OSBPL10: variants seen among roughly 807,000 people sequenced by gnomAD.
OSBPL10 encodes oxysterol binding protein like 10, also known as oxysterol-binding protein-related protein 10.
In OSBPL10, 49 loss-of-function variants were observed where a neutral mutation model predicts 81.7. The ratio of observed to expected loss-of-function variants is 0.60; its 90% CI spans 0.48 to 0.76. OSBPL10 has a LOEUF of 0.76. OSBPL10 is among the 30% of genes least tolerant of loss of function. The probability of loss-of-function intolerance (pLI) is 0.00; values close to 1 mark genes in which losing one functional copy is unlikely to be tolerated. For missense variants in OSBPL10, 923 were observed against 987.8 expected, an observed-to-expected ratio of 0.93 and a Z score of 0.88; for synonymous variants, 419 against 383.6, an observed-to-expected ratio of 1.09 and a Z score of -1.08.
At chr3:31,909,163 C>T (rs1430656229) in intron 1 of OSBPL10, among the ~76,000 whole-genome samples, 1 of 152,208 alleles carries the variant, frequency 6.6e-6, no homozygotes, top group Admixed American at 6.5e-5. Context: ...TGAGAGCTGA[C>T]ATTACCTTTC....
intron 7 of OSBPL10, among the ~76,000 whole-genome samples, chr3:31,687,565 T>C (rs1056709573): frequency 2.0e-5 from 3 of 152,200 alleles, no homozygotes; most frequent in Non-Finnish European, 2.9e-5. Context: ...TTTAGTGCAC[T>C]GCCCTGGTCC....
At chr3:31,783,814 AAAAAAAAAAATATATATAT>A (rs1292165944) in intron 4 of OSBPL10, among the ~76,000 whole-genome samples, 3 of 78,660 alleles carry the variant, frequency 3.8e-5, no homozygotes, top group African/African-American at 2.0e-4. Context: ...AAAAAAAAAA[AAAAAAAAAAATATATATAT>A]ATATATATAT....
intron 1 of OSBPL10, among the ~76,000 whole-genome samples, chr3:31,949,631 G>A (rs561960468): frequency 1.7e-4 from 19 of 112,548 alleles, no homozygotes; most frequent in African/African-American, 6.3e-4. Flanking sequence ...TCACCTCACT[G>A]CACTCCAGCC....
At chr3:31,872,922 C>A (rs1161956279) in intron 3 of OSBPL10, among the ~76,000 whole-genome samples, 3 of 152,158 alleles carry the variant, frequency 2.0e-5, no homozygotes, top group Non-Finnish European at 4.4e-5. Flanking sequence ...CCACATCCAG[C>A]CTCAAAAACT....
chr3:31,747,497 A>T (rs1004672241), intron 5 of OSBPL10, among the ~76,000 whole-genome samples: 6 of 151,320 alleles, frequency 4.0e-5, no homozygotes, highest in Admixed American at 1.3e-4. Context: ...TAAAAAAAAA[A>T]AAAAAAAAAA....
At chr3:31,671,106 C>T (rs1700313583) in intron 8 of OSBPL10, 123 bp from the exon 9 acceptor site, 8 of 924,526 alleles carry the variant, frequency 8.7e-6, no homozygotes, top group African/African-American at 3.4e-5. Context: ...CCCACCTCTG[C>T]AGAGGTGAGC....
rs116003257 is a variant in OSBPL10, at chr3:32,061,546, C to T, written n.186-14943G>A. 4.6e-3 allele frequency among the ~76,000 whole-genome samples: 430 copies of T among 93,640 alleles called. 96 individuals carry two copies. The highest frequency in any genetic ancestry group is 0.011 in the African/African-American group (385 of 36,458). The allele number at this position is 93,640 out of a possible 152,430, so 61.4% of individuals were successfully genotyped here. ...CAAAGGAGGGTGCAAGTCTTGCACA[C>T]GGGTTGCTGGGTCTAGCAACTTCTT... On this transcript the variant is annotated intron_variant and non_coding_transcript_variant, in intron 1 of 3. Coordinates refer to the OSBPL10 transcript ENST00000479173.
chr3:31,958,968 T>G (rs1013196958), intron 1 of OSBPL10, among the ~76,000 whole-genome samples: 6 of 152,206 alleles, frequency 3.9e-5, no homozygotes, highest in Admixed American at 6.5e-5. Context: ...AACTCATTAA[T>G]GCACCATGGA....
At position 31,697,784 on chromosome 3, in the gene OSBPL10, A is replaced by G. The variant is rs544656037; in HGVS notation, c.1245+4575T>C. On this transcript the variant is annotated intron_variant, in intron 7 of 11. Coordinates refer to ENST00000396556, the MANE Select transcript of OSBPL10 (RefSeq NM_017784.5). ...GCTTCCTCCTCTTTTTTTTTTTGAG[A>G]TGGAGTCTTGCACTGTCACCCAGGC... 1.7e-3 allele frequency among the ~76,000 whole-genome samples: 256 copies of G among 150,566 alleles called. 2 individuals carry two copies. Among genetic ancestry groups the G allele is most frequent in the African/African-American group, 5.9e-3 (241 of 41,016 alleles).
intron 1 of OSBPL10, among the ~76,000 whole-genome samples, chr3:31,971,288 A>G (rs9845260): frequency 0.42 from 63,885 of 151,688 alleles, 16,017 homozygotes; most frequent in East Asian, 0.76. Context: ...TTACGGGCGC[A>G]TGCCACCATG....
At chr3:31,742,915 C>CCCAGT (rs1286533673) in intron 5 of OSBPL10, among the ~76,000 whole-genome samples, 14 of 152,030 alleles carry the variant, frequency 9.2e-5, no homozygotes, top group Admixed American at 2.6e-4. Flanking sequence ...AAAACAGATA[C>CCCAGT]CCAGTCCCCA....
chr3:32,014,445 T>C (rs1264100313), intron 2 of OSBPL10, among the ~76,000 whole-genome samples: 2 of 152,172 alleles, frequency 1.3e-5, no homozygotes, highest in Admixed American at 1.3e-4. Context: ...GGGATGTATC[T>C]TAAAATAATA....
intron 1 of OSBPL10, among the ~76,000 whole-genome samples, chr3:31,902,768 G>C (rs1319946443): frequency 6.6e-6 from 1 of 152,146 alleles, no homozygotes; most frequent in Non-Finnish European, 1.5e-5. Context: ...GTTTCACCGT[G>C]TTAGTCAGGA....
intron 1 of OSBPL10, among the ~76,000 whole-genome samples, chr3:31,922,406 G>A (rs1016051953): frequency 1.3e-4 from 20 of 152,140 alleles, no homozygotes; most frequent in Admixed American, 1.1e-3. Flanking sequence ...ATCACCTGAG[G>A]TCAGGAGTTC....
chr3:31,907,640 A>C (rs1696449326), intron 1 of OSBPL10, among the ~76,000 whole-genome samples: 1 of 150,296 alleles, frequency 6.7e-6, no homozygotes, highest in Non-Finnish European at 1.5e-5. Flanking sequence ...AAAAAAAAAA[A>C]AAAAAAAAAA....
chr3:31,868,194 G>A (rs1445181819), intron 3 of OSBPL10, among the ~76,000 whole-genome samples: 1 of 152,062 alleles, frequency 6.6e-6, no homozygotes, highest in Non-Finnish European at 1.5e-5. Flanking sequence ...TGGGGTCTGG[G>A]GTGACCTTTT....
intron 5 of OSBPL10, among the ~76,000 whole-genome samples, chr3:31,739,312 AAAGG>A (rs1018070032): frequency 1.3e-5 from 2 of 152,128 alleles, no homozygotes; most frequent in African/African-American, 4.8e-5. Flanking sequence ...ACGAAGGGAG[AAAGG>A]AAGGAAGAAA....
intron 4 of OSBPL10, among the ~76,000 whole-genome samples, chr3:31,754,916 G>C (rs973245908): frequency 6.6e-6 from 1 of 152,130 alleles, no homozygotes; most frequent in Non-Finnish European, 1.5e-5. Context: ...TATGTTAGGG[G>C]ACTCTGGGTC....
rs532261583 is a variant in OSBPL10 at position 31,990,498 on chromosome 3, GGC to G, written n.298+55991_298+55992del. 37 of 1,550,082 alleles carry G rather than the reference GGC, an allele frequency of 2.4e-5. No homozygotes were observed. The African/African-American group carries it at 5.0e-4, about 21-fold the overall frequency. On this transcript the variant is annotated intron_variant and non_coding_transcript_variant, in intron 2 of 3. Coordinates refer to the OSBPL10 transcript ENST00000479173. The stretch of plus-strand genomic sequence containing the variant: ...ACAATTCAGCCCTTGTAATTCATAA[GGC>G]AATTCATACTGGAGAGAAACCTTAC...
Sources: allele counts gnomAD v4.1 joint callset (sites outside exome capture counted in the v4.1 genomes callset), GRCh38; gene constraint gnomAD v4.1.1; transcripts MANE v1.5; gene names NCBI Gene and HGNC (gene_info 2026-07-23, HGNC 2026-07-21).